FRMD5: variants seen among roughly 807,000 people sequenced by gnomAD.
FRMD5 encodes FERM domain containing 5.
A neutral mutation model predicts 69.0 loss-of-function variants in FRMD5; 20 were observed. That is an observed-to-expected ratio of 0.29 (90% CI 0.20 to 0.42). The LOEUF (loss-of-function observed/expected upper bound fraction) is 0.42. Ranked by LOEUF, FRMD5 falls within the 10% of genes least tolerant of loss-of-function variation. The pLI, the probability that FRMD5 is intolerant of heterozygous loss-of-function variation, is 1.00. For missense variants in FRMD5, 595 were observed against 708.6 expected (o/e 0.84, Z 1.82); for synonymous variants, 271 against 260.1 (o/e 1.04, Z -0.40).
intron 1 of FRMD5, among the ~76,000 whole-genome samples, chr15:44,131,123 A>G (rs2077091708): frequency 6.6e-6 from 1 of 152,194 alleles, no homozygotes; most frequent in Non-Finnish European, 1.5e-5. Context: ...TTTCATTCAA[A>G]TGAGTATCAA....
chr15:43,903,486 C>T (rs1181764076), intron 6 of FRMD5, among the ~76,000 whole-genome samples: 2 of 152,168 alleles, frequency 1.3e-5, no homozygotes, highest in Non-Finnish European at 2.9e-5. Context: ...TCTCAAAAGC[C>T]CATATCACAG....
chr15:44,179,891 T>C (rs2077965428), intron 1 of FRMD5, among the ~76,000 whole-genome samples: 1 of 152,014 alleles, frequency 6.6e-6, no homozygotes, highest in South Asian at 2.1e-4. Context: ...AAAACAACTG[T>C]AGCTAGGCAC....
chr15:44,194,883 G>A (rs1346248867), intron 1 of FRMD5, 70 bp downstream of exon 1: 1 of 1,360,432 alleles, frequency 7.4e-7, no homozygotes, highest in Non-Finnish European at 1.0e-6. Flanking sequence ...GGCGGCCGCC[G>A]CCGGCCAAGT....
rs77588112 is a variant in FRMD5, at chr15:43,877,636, C to T, written c.1136-3174G>A. ...AGTTACGCTCCCCATTGCGTCACGG[C>T]TCATATATTTGCCACAGCTCTCAAT... On this transcript the variant is annotated intron_variant, in intron 13 of 13. Coordinates refer to ENST00000417257, the MANE Select transcript of FRMD5 (RefSeq NM_032892.5). Among the ~76,000 whole-genome samples the T allele has an allele frequency of 6.4e-3, 969 of 152,390 alleles. 13 individuals are homozygous for T. The highest frequency in any genetic ancestry group is 0.022 in the African/African-American group (923 of 41,598).
At chr15:43,946,308 G>T (rs2089946199) in intron 1 of FRMD5, among the ~76,000 whole-genome samples, 1 of 152,166 alleles carries the variant, frequency 6.6e-6, no homozygotes, top group Admixed American at 6.5e-5. Context: ...TGCGTGTATA[G>T]CATGACTGTA....
At chr15:44,151,770 A>G (rs1019441358) in intron 1 of FRMD5, among the ~76,000 whole-genome samples, 1 of 152,214 alleles carries the variant, frequency 6.6e-6, no homozygotes, top group Non-Finnish European at 1.5e-5. Context: ...AATTATAAAA[A>G]TTTTGTGCAT....
At position 43,909,907 on chromosome 15, in the gene FRMD5, G is replaced by C. The variant is rs770890193; in HGVS notation, c.402C>G (p.Ala134=). The change falls in exon 5 of 14, where the codon GCC becomes GCG. Residue 134 remains alanine (A), a synonymous_variant. Transcript: ENST00000417257. The stretch of plus-strand genomic sequence containing the variant: ...CTTGAAGGATGTAAGCTGCTAACAA[G>C]GCAGCATCCGATGTTTTACAGAGGA... ...GRLLCKTSDA[A]LLAAYILQAE... The C allele has an allele frequency of 2.5e-6, 4 of 1,611,848 alleles. No individual in the cohort carries two copies. The highest frequency in any genetic ancestry group is 3.4e-6 in the Non-Finnish European group (4 of 1,178,270).
chr15:43,919,127 C>T, intron 4 of FRMD5: 1 of 431,232 alleles, frequency 2.3e-6, no homozygotes, highest in Non-Finnish European at 4.6e-6. Flanking sequence ...TAAGCAGCAA[C>T]ATAGCTCTCT....
At chr15:43,879,967 T>G in intron 13 of FRMD5, 2 of 225,242 alleles carry the variant, frequency 8.9e-6, no homozygotes, top group Non-Finnish European at 8.6e-6. Context: ...AAAGTAATGC[T>G]TCCTTGGCCT....
At chr15:43,874,565 T>C in intron 13 of FRMD5, 103 bp from the exon 14 acceptor site, 2 of 799,362 alleles carry the variant, frequency 2.5e-6, no homozygotes, top group Middle Eastern at 2.4e-4. Flanking sequence ...CACACCCACA[T>C]GACCAGCAGC....
intron 8 of FRMD5, among the ~76,000 whole-genome samples, chr15:43,889,273 A>G (rs1462474415): frequency 6.6e-6 from 1 of 152,210 alleles, no homozygotes; most frequent in African/African-American, 2.4e-5. Context: ...CCAAAGTTCA[A>G]GATACAGCAA....
At chr15:44,068,695 T>C (rs145717603) in intron 1 of FRMD5, among the ~76,000 whole-genome samples, 2 of 152,212 alleles carry the variant, frequency 1.3e-5, no homozygotes, top group Admixed American at 1.3e-4. Flanking sequence ...TTTGTACAAC[T>C]TTATGAATAC....
chr15:44,116,215 TTA>T (rs200824875), intron 1 of FRMD5, among the ~76,000 whole-genome samples: 13 of 148,444 alleles, frequency 8.8e-5, no homozygotes, highest in African/African-American at 1.7e-4. Flanking sequence ...ACTATATATA[TTA>T]TATATATATA....
At chr15:44,056,075 A>C (rs1892859292) in intron 1 of FRMD5, among the ~76,000 whole-genome samples, 1 of 152,208 alleles carries the variant, frequency 6.6e-6, no homozygotes, top group Non-Finnish European at 1.5e-5. Context: ...TTTCCAAACA[A>C]GTAACTTTAA....
At chr15:43,955,737 C>A (rs374919895) in intron 1 of FRMD5, among the ~76,000 whole-genome samples, 1 of 152,002 alleles carries the variant, frequency 6.6e-6, no homozygotes, top group Admixed American at 6.6e-5. Context: ...ACAAATTATT[C>A]TTCTATATGT....
chr15:43,988,425 C>T (rs1350329233), intron 1 of FRMD5, among the ~76,000 whole-genome samples: 1 of 150,884 alleles, frequency 6.6e-6, no homozygotes, highest in African/African-American at 2.4e-5. Context: ...TAGACATATG[C>T]TACTGCACAA....
intron 1 of FRMD5, among the ~76,000 whole-genome samples, chr15:44,093,009 A>C (rs2076496416): frequency 1.4e-5 from 2 of 139,998 alleles, no homozygotes; most frequent in African/African-American, 5.7e-5. Context: ...TCGGCTCACC[A>C]CAACCTCTGC....
At chr15:44,079,931 T>C (rs947065339) in intron 1 of FRMD5, among the ~76,000 whole-genome samples, 2 of 151,972 alleles carry the variant, frequency 1.3e-5, no homozygotes, top group Non-Finnish European at 2.9e-5. Context: ...GTATCTAGAA[T>C]AAATTCACAG....
rs199998801 is a variant in FRMD5, at chr15:43,873,879, G to A, written c.*6C>T. 5.0e-6 allele frequency: 8 copies of A among 1,612,482 alleles called. No individual in the cohort carries two copies. In the African/African-American group the frequency reaches 9.3e-5, roughly 19 times the overall value. On this transcript the variant is annotated 3_prime_UTR_variant, in exon 14 of 14. Coordinates refer to ENST00000417257, the MANE Select transcript of FRMD5 (RefSeq NM_032892.5). The stretch of plus-strand genomic sequence containing the variant: ...CTGGCTAGTTTTTGGGAGGAGTCAT[G>A]CCTTCTCAGGTGTCAATGAGCAGGC...
Sources: allele counts gnomAD v4.1 joint callset (sites outside exome capture counted in the v4.1 genomes callset), GRCh38; gene constraint gnomAD v4.1.1; transcripts MANE v1.5; gene names NCBI Gene and HGNC (gene_info 2026-07-23, HGNC 2026-07-21).